Variants in PDGFRA observed in about 807,000 individuals in gnomAD.
PDGFRA encodes the protein platelet-derived growth factor receptor alpha.
Under a neutral mutation model 121.5 loss-of-function variants are expected in PDGFRA, and 25 were observed. That is an observed-to-expected ratio of 0.21 (90% CI 0.15 to 0.29). PDGFRA has a LOEUF of 0.29. Ranked by LOEUF, PDGFRA falls within the 10% of genes least tolerant of loss-of-function variation. The probability of loss-of-function intolerance (pLI) is 1.00; values close to 1 mark genes in which losing one functional copy is unlikely to be tolerated. For synonymous variants in PDGFRA, 463 were observed against 494.8 expected, an observed-to-expected ratio of 0.94 and a Z score of 0.85; for missense variants, 1,008 against 1,345.1, an observed-to-expected ratio of 0.75 and a Z score of 3.92.
intron 1 of PDGFRA, among the ~76,000 whole-genome samples, chr4:54,242,970 G>T (rs1310252149): frequency 1.3e-5 from 2 of 152,130 alleles, no homozygotes; most frequent in African/African-American, 4.8e-5. Context: ...CTTTAGCATT[G>T]GTGTGTATTA....
chr4:54,264,850 A>T (rs1722943101), intron 4 of PDGFRA, 69 bp from the exon 5 acceptor site: 4 of 1,447,690 alleles, frequency 2.8e-6, no homozygotes, highest in South Asian at 1.2e-5. Context: ...AAAAAAAAAA[A>T]ACCCAAACTT....
chr4:54,244,031 C>T (rs1721471576), intron 1 of PDGFRA, among the ~76,000 whole-genome samples: 1 of 152,212 alleles, frequency 6.6e-6, no homozygotes, highest in South Asian at 2.1e-4. Context: ...CCACCATTGC[C>T]CAGGCTTGCT....
chr4:54,281,707 T>C, intron 16 of PDGFRA: 2 of 1,361,864 alleles, frequency 1.5e-6, no homozygotes, highest in African/African-American at 1.4e-5. Context: ...CGTGAATGGC[T>C]AGAGCTACTC....
intron 1 of PDGFRA, among the ~76,000 whole-genome samples, chr4:54,236,299 C>T (rs555549436): frequency 6.6e-6 from 1 of 152,168 alleles, no homozygotes; most frequent in South Asian, 2.1e-4. Flanking sequence ...TAGATGAGCT[C>T]CAGAATAGCA....
chr4:54,254,176 G>T (rs780383515), intron 1 of PDGFRA, among the ~76,000 whole-genome samples: 19 of 152,182 alleles, frequency 1.2e-4, no homozygotes, highest in Non-Finnish European at 2.5e-4. Context: ...AATAGGTGAG[G>T]AAAGTCCCCA....
intron 1 of PDGFRA, 134 bp from the exon 2 acceptor site, chr4:54,258,623 G>T (rs1203968312): frequency 2.7e-6 from 2 of 735,922 alleles, no homozygotes; most frequent in Non-Finnish European, 5.0e-6. Context: ...TTTGAACCTT[G>T]AATTTTAACC....
Position 54,280,407 on chromosome 4 carries a change from G to A in PDGFRA, c.2248G>A (p.Glu750Lys), listed in dbSNP as rs2110324335. Residue 750 changes from glutamate (E) to lysine (K), a missense_variant, in exon 16 of 23, where the codon GAG (glutamate) becomes AAG (lysine). Coordinates refer to ENST00000257290, the MANE Select transcript of PDGFRA (RefSeq NM_006206.6). ...GTATGTCCCCATGCTAGAAAGGAAA[G>A]AGGTTTCTAAATATTCCGACATCCA... is the stretch of plus-strand genomic sequence containing the variant. Reference protein sequence around the residue: ...TQYVPMLERKEVSKYSDIQRS... With the variant: ...TQYVPMLERKKVSKYSDIQRS... The A allele has an allele frequency of 3.7e-6, 6 of 1,613,208 alleles. No individual in the cohort carries two copies. Among genetic ancestry groups the A allele is most frequent in the Non-Finnish European group, 5.1e-6 (6 of 1,179,144 alleles).
chr4:54,246,003 G>A (rs561409307), intron 1 of PDGFRA, among the ~76,000 whole-genome samples: 26 of 151,960 alleles, frequency 1.7e-4, no homozygotes, highest in South Asian at 1.0e-3. Context: ...CAATTCAACA[G>A]GAAGAGCTAA....
At chr4:54,270,441 TTGTG>T (rs1318022611) in intron 7 of PDGFRA, among the ~76,000 whole-genome samples, 188 bp from the exon 8 acceptor site, 1 of 152,168 alleles carries the variant, frequency 6.6e-6, no homozygotes, top group Non-Finnish European at 1.5e-5. Context: ...CTTGTAAGAA[TTGTG>T]TGTATGATCC....
chr4:54,285,551 G>T lies in PDGFRA; in HGVS notation c.2439+65G>T, dbSNP rs913642528. The T allele has an allele frequency of 1.7e-5, 14 of 802,538 alleles. No homozygotes were observed. In the African/African-American group the frequency reaches 2.2e-4, roughly 13 times the overall value. 49.7% of individuals were successfully genotyped at this position (802,538 alleles called of 1,614,324 possible). ...CAGTGAGTGGAGTGTGGACGGAGAT[G>T]CTAGGAGATAGATGTTGGAAAGGCC... is the stretch of plus-strand genomic sequence containing the variant. On this transcript the variant is annotated intron_variant, in intron 17 of 22. Coordinates refer to ENST00000257290, the MANE Select transcript of PDGFRA (RefSeq NM_006206.6).
At chr4:54,253,742 T>G (rs1722196034) in intron 1 of PDGFRA, among the ~76,000 whole-genome samples, 1 of 152,158 alleles carries the variant, frequency 6.6e-6, no homozygotes, top group African/African-American at 2.4e-5. Context: ...TGGAGTGCAG[T>G]GGTGTGATCT....
At chr4:54,261,898 CATATATATAT>C (rs397880252) in intron 3 of PDGFRA, among the ~76,000 whole-genome samples, 14 of 95,310 alleles carry the variant, frequency 1.5e-4, no homozygotes, top group South Asian at 4.2e-4. Context: ...AAAAAAGTTA[CATATATATAT>C]ATATATATAT....
At chr4:54,247,054 C>A (rs377341972) in intron 1 of PDGFRA, among the ~76,000 whole-genome samples, 2 of 152,150 alleles carry the variant, frequency 1.3e-5, no homozygotes, top group South Asian at 2.1e-4. Context: ...CAATAACAGG[C>A]TCTGAAATTG....
At chr4:54,258,855 T>C in intron 2 of PDGFRA, 38 bp downstream of exon 2, 6 of 1,578,302 alleles carry the variant, frequency 3.8e-6, no homozygotes, top group Non-Finnish European at 5.2e-6. Context: ...CTTGTTTGGG[T>C]GTCTTGTTTT....
chr4:54,265,951 C>T (rs1159346314), intron 5 of PDGFRA, among the ~76,000 whole-genome samples: 1 of 152,188 alleles, frequency 6.6e-6, no homozygotes, highest in Non-Finnish European at 1.5e-5. Context: ...TTATCCGTTT[C>T]TCTCTCCCAT....
intron 1 of PDGFRA, among the ~76,000 whole-genome samples, chr4:54,249,463 G>A (rs1560458112): frequency 6.6e-6 from 1 of 152,202 alleles, no homozygotes; most frequent in Non-Finnish European, 1.5e-5. Context: ...CATAAAAAAT[G>A]ATGAGTTCAG....
chr4:54,285,886 G>GT lies in PDGFRA; in HGVS notation c.2485_2486insT (p.Gly829ValfsTer8). The stretch of plus-strand genomic sequence containing the variant: ...TGCTCGCAACGTCCTCCTGGCACAA[G>GT]GAAAAATTGTGAAGATCTGTGACTT... On this transcript the variant is annotated frameshift_variant, in exon 18 of 23. Transcript: ENST00000257290. LOFTEE classifies it high-confidence loss of function. The GT allele has an allele frequency of 6.2e-7, 1 of 1,614,062 alleles. No homozygotes were observed. Among genetic ancestry groups the GT allele is most frequent in the Non-Finnish European group, 8.5e-7 (1 of 1,179,934 alleles).
At chr4:54,274,687 A>C in intron 11 of PDGFRA, 62 bp downstream of exon 11, 1 of 1,455,250 alleles carries the variant, frequency 6.9e-7, no homozygotes, top group South Asian at 1.1e-5. Context: ...ATAGCAACCT[A>C]GTTCAGTGCT....
chr4:54,288,923 G>A (rs201859869), intron 20 of PDGFRA, 25 bp downstream of exon 20: 62 of 1,565,014 alleles, frequency 4.0e-5, no homozygotes, highest in Admixed American at 6.7e-5. Context: ...CATCCCGGGG[G>A]CCTGTGTTCA....
Sources: gnomAD v4.1 joint callset for allele counts (sites outside exome capture counted in the v4.1 genomes callset) on GRCh38, gnomAD v4.1.1 for gene constraint, MANE v1.5 for transcripts, NCBI Gene and HGNC (gene_info 2026-07-23, HGNC 2026-07-21) for gene names.